The following XRCC5 variants were observed in gnomAD, a reference collection of about 807,000 sequenced individuals.
XRCC5 encodes X-ray repair cross complementing 5.
XRCC5 carries 12 observed loss-of-function variants against 95.7 expected under a neutral mutation model. The ratio of observed to expected loss-of-function variants is 0.13; its 90% CI spans 0.08 to 0.20. XRCC5 has a LOEUF of 0.20. Ranked by LOEUF, XRCC5 falls within the 10% of genes least tolerant of loss-of-function variation. The pLI is 1.00. For synonymous variants in XRCC5, 281 were observed against 290.3 expected (o/e 0.97, Z 0.33); for missense variants, 595 against 873.9 (o/e 0.68, Z 4.02).
At chr2:216,194,540 G>A (rs1051539602) in intron 18 of XRCC5, among the ~76,000 whole-genome samples, 2 of 152,218 alleles carry the variant, frequency 1.3e-5, no homozygotes, top group African/African-American at 4.8e-5. Context: ...GGAACACGTG[G>A]CATTTGACAT....
intron 14 of XRCC5, 39 bp downstream of exon 14, chr2:216,148,315 A>G (rs762376983): frequency 1.2e-5 from 19 of 1,566,078 alleles, no homozygotes; most frequent in East Asian, 2.3e-5. Context: ...ATTGGGGTAC[A>G]TAAGAGTTGT....
chr2:216,166,238 C>T (rs1689052342), intron 16 of XRCC5, among the ~76,000 whole-genome samples: 1 of 152,188 alleles, frequency 6.6e-6, no homozygotes, highest in African/African-American at 2.4e-5. Flanking sequence ...CTACCACCTC[C>T]ACCCCGCCAA....
intron 14 of XRCC5, among the ~76,000 whole-genome samples, chr2:216,150,434 G>A (rs1019023348): frequency 1.7e-4 from 26 of 152,274 alleles, no homozygotes; most frequent in African/African-American, 5.8e-4. Flanking sequence ...TCTGAGAACC[G>A]TGTCATTAGG....
intron 2 of XRCC5, among the ~76,000 whole-genome samples, chr2:216,115,780 C>A (rs1443160037): frequency 6.6e-6 from 1 of 151,530 alleles, no homozygotes; most frequent in African/African-American, 2.4e-5. Context: ...TTGTCTTATG[C>A]TGTAAATCCT....
intron 16 of XRCC5, among the ~76,000 whole-genome samples, chr2:216,189,348 G>A (rs950117209): frequency 1.6e-4 from 25 of 152,220 alleles, no homozygotes; most frequent in Non-Finnish European, 3.1e-4. Context: ...GAGCCTTTAG[G>A]CATGATTACC....
rs143232624 is a variant in XRCC5, at chr2:216,187,861, T to TCTCTCTCTC, written c.1835-2363_1835-2362insTCTCTCTCC. On this transcript the variant is annotated intron_variant, in intron 16 of 20. Coordinates refer to ENST00000392132, the MANE Select transcript of XRCC5 (RefSeq NM_021141.4). ...CTCTCTCTCTCTCTCTCTCTCTCTC[T>TCTCTCTCTC]CCCCGTCTCCCTGTCTCTCCCTCTC... is the stretch of plus-strand genomic sequence containing the variant. Among the ~76,000 whole-genome samples the TCTCTCTCTC allele has an allele frequency of 2.4e-4, 28 of 116,226 alleles. 1 individual carries two copies. The highest frequency in any genetic ancestry group is 1.1e-3 in the African/African-American group (27 of 23,848). The allele number at this position is 116,226 out of a possible 152,430, so 76.2% of individuals were successfully genotyped here.
At chr2:216,174,847 TC>T (rs1689241812) in intron 16 of XRCC5, 1 of 252,016 alleles carries the variant, frequency 4.0e-6, no homozygotes, top group South Asian at 5.1e-5. Context: ...TTGTGACAAC[TC>T]CTTGTTCTTT....
At chr2:216,155,855 A>G (rs1688832387) in intron 14 of XRCC5, among the ~76,000 whole-genome samples, 1 of 152,164 alleles carries the variant, frequency 6.6e-6, no homozygotes, top group African/African-American at 2.4e-5. Context: ...GGAGTGGGAA[A>G]ATAACTATGA....
intron 14 of XRCC5, among the ~76,000 whole-genome samples, chr2:216,151,528 C>G: frequency 6.6e-6 from 1 of 152,186 alleles, no homozygotes; most frequent in East Asian, 1.9e-4. Flanking sequence ...CAATATGAGT[C>G]AGACCCCTTG....
chr2:216,169,453 CTGTAGTT>C (rs1214332817), intron 16 of XRCC5, among the ~76,000 whole-genome samples: 5 of 152,178 alleles, frequency 3.3e-5, no homozygotes, highest in Admixed American at 3.3e-4. Flanking sequence ...CCAATCAAAG[CTGTAGTT>C]ATGGCTGGTG....
chr2:216,176,338 C>T (rs1029596623), intron 16 of XRCC5, among the ~76,000 whole-genome samples: 3 of 152,076 alleles, frequency 2.0e-5, no homozygotes, highest in African/African-American at 4.8e-5. Flanking sequence ...AGGTTGGTCT[C>T]GAACTCCTGA....
At chr2:216,179,889 G>C (rs68144140) in intron 16 of XRCC5, among the ~76,000 whole-genome samples, 21,452 of 152,222 alleles carry the variant, frequency 0.14, 1,610 homozygotes, top group African/African-American at 0.19. Context: ...AGGCAGATGA[G>C]TTAGAAGGCT....
chr2:216,156,704 C>A, intron 14 of XRCC5: 1 of 539,932 alleles, frequency 1.9e-6, no homozygotes, highest in Non-Finnish European at 3.8e-6. Context: ...ATGATTTGTA[C>A]TACACAGCTG....
intron 1 of XRCC5, 148 bp downstream of exon 1, chr2:216,109,605 C>A: frequency 1.6e-6 from 2 of 1,223,974 alleles, no homozygotes; most frequent in Non-Finnish European, 2.3e-6. Flanking sequence ...GGGCCGGGAC[C>A]GAGGGATGCG....
At chr2:216,125,885 GT>G (rs1490097230) in intron 6 of XRCC5, 31 bp from the exon 7 acceptor site, 1 of 1,548,622 alleles carries the variant, frequency 6.5e-7, no homozygotes, top group Admixed American at 1.7e-5. Flanking sequence ...TTTAAAAATT[GT>G]TGCTTTCATT....
At chr2:216,172,832 G>A (rs767301172) in intron 16 of XRCC5, among the ~76,000 whole-genome samples, 5 of 152,108 alleles carry the variant, frequency 3.3e-5, no homozygotes, top group Non-Finnish European at 5.9e-5. Context: ...GTCTATAGAA[G>A]AGTTAAGGGA....
rs75393484 is a variant in XRCC5 at position 216,154,048 on chromosome 2, C to G, written c.1670+5772C>G. ...TTACATTCTATATGTAATTGGTTTACCAAGTTGTATTATATTTACCTCAAA... is the reference window on the plus strand; with the variant it reads ...TTACATTCTATATGTAATTGGTTTAGCAAGTTGTATTATATTTACCTCAAA... On this transcript the variant is annotated intron_variant, in intron 14 of 20. Transcript: ENST00000392132. Among the ~76,000 whole-genome samples, 727 of 152,260 alleles carry G rather than the reference C, an allele frequency of 4.8e-3. 2 individuals are homozygous for G. Among genetic ancestry groups the G allele is most frequent in the Non-Finnish European group, 8.3e-3 (562 of 68,016 alleles).
intron 16 of XRCC5, among the ~76,000 whole-genome samples, chr2:216,163,770 T>G (rs1688998849): frequency 6.6e-6 from 1 of 152,174 alleles, no homozygotes; most frequent in Non-Finnish European, 1.5e-5. Flanking sequence ...CTACCAGGCT[T>G]AAATCCTGTC....
intron 16 of XRCC5, among the ~76,000 whole-genome samples, chr2:216,176,738 T>C (rs1689285229): frequency 6.6e-6 from 1 of 150,896 alleles, no homozygotes; most frequent in African/African-American, 2.5e-5. Flanking sequence ...TTCCATTCCT[T>C]CTTCTTACTT....
Sources: gnomAD v4.1 joint callset for allele counts (sites outside exome capture counted in the v4.1 genomes callset) on GRCh38, gnomAD v4.1.1 for gene constraint, MANE v1.5 for transcripts, NCBI Gene and HGNC (gene_info 2026-07-23, HGNC 2026-07-21) for gene names.